PDE1C: variants seen among roughly 807,000 people sequenced by gnomAD.
The protein encoded by PDE1C is phosphodiesterase 1C.
A neutral mutation model predicts 93.1 loss-of-function variants in PDE1C; 62 were observed. The observed-to-expected ratio is 0.67, with a 90% CI of 0.54 to 0.82. The LOEUF (loss-of-function observed/expected upper bound fraction) is 0.82. Ranked by LOEUF, PDE1C falls within the 40% of genes least tolerant of loss-of-function variation. The pLI, the probability that PDE1C is intolerant of heterozygous loss-of-function variation, is 0.00. For synonymous variants in PDE1C, 325 were observed against 310.1 expected, an observed-to-expected ratio of 1.05 and a Z score of -0.50; for missense variants, 742 against 884.6, an observed-to-expected ratio of 0.84 and a Z score of 2.04.
the PDE1C span, among the ~76,000 whole-genome samples, chr7:31,664,621 T>C: frequency 6.6e-6 from 1 of 152,216 alleles, no homozygotes; most frequent in African/African-American, 2.4e-5. Flanking sequence ...GATTATCACA[T>C]CTGAGATGGC....
chr7:31,920,604 G>A (rs7789277), intron 2 of PDE1C, among the ~76,000 whole-genome samples: 127,772 of 152,150 alleles, frequency 0.84, 53,956 homozygotes, highest in Admixed American at 0.88. Flanking sequence ...ATAATATGAA[G>A]ATCTATGGAG....
chr7:32,214,265 C>G (rs935316971), intron 1 of PDE1C, among the ~76,000 whole-genome samples: 8 of 151,856 alleles, frequency 5.3e-5, no homozygotes, highest in Non-Finnish European at 1.0e-4. Flanking sequence ...AAGGGTAGTC[C>G]TGGATCACAG....
intron 2 of PDE1C, among the ~76,000 whole-genome samples, chr7:31,990,545 C>A (rs932605994): frequency 6.6e-6 from 1 of 151,632 alleles, no homozygotes; most frequent in Admixed American, 6.6e-5. Context: ...GATGGCTAAC[C>A]CACACTCTCA....
chr7:32,164,824 G>A (rs1188760789), intron 3 of PDE1C, among the ~76,000 whole-genome samples: 1 of 152,120 alleles, frequency 6.6e-6, no homozygotes, highest in African/African-American at 2.4e-5. Flanking sequence ...GTTCTCTTGG[G>A]TCCTCTAGTG....
chr7:32,364,001 C>T (rs1784185114), intron 1 of PDE1C, among the ~76,000 whole-genome samples: 2 of 152,112 alleles, frequency 1.3e-5, no homozygotes, highest in Admixed American at 6.5e-5. Context: ...TACAGAGAGG[C>T]TGAATAACTT....
At chr7:31,681,402 T>C in the PDE1C span, among the ~76,000 whole-genome samples, 7 of 151,546 alleles carry the variant, frequency 4.6e-5, no homozygotes, top group South Asian at 2.1e-4. Context: ...GATGGATGGA[T>C]GGATGGATGG....
chr7:31,661,450 C>T, the PDE1C span, among the ~76,000 whole-genome samples: 1 of 152,146 alleles, frequency 6.6e-6, no homozygotes, highest in Admixed American at 6.5e-5. Context: ...CAGTGGCTCA[C>T]ACCTGTAATC....
intron 1 of PDE1C, among the ~76,000 whole-genome samples, chr7:32,350,545 C>A (rs2128082805): frequency 8.0e-6 from 1 of 124,886 alleles, no homozygotes; most frequent in Admixed American, 7.9e-5. Context: ...TGGCATTTGA[C>A]TAATATATAT....
At chr7:32,144,153 C>A (rs1800689850) in intron 3 of PDE1C, among the ~76,000 whole-genome samples, 1 of 152,130 alleles carries the variant, frequency 6.6e-6, no homozygotes, top group Non-Finnish European at 1.5e-5. Flanking sequence ...GTGACTTAAG[C>A]AACAGAGAGA....
intron 11 of PDE1C, among the ~76,000 whole-genome samples, chr7:31,831,084 A>G (rs1454734534): frequency 6.6e-6 from 1 of 152,174 alleles, no homozygotes; most frequent in Admixed American, 6.6e-5. Flanking sequence ...TAATATCTCA[A>G]GTGAGTCTTT....
At chr7:32,236,874 A>G (rs1363284264) in intron 1 of PDE1C, among the ~76,000 whole-genome samples, 1 of 152,194 alleles carries the variant, frequency 6.6e-6, no homozygotes, top group African/African-American at 2.4e-5. Flanking sequence ...ATCACCAAAA[A>G]CTGGAAACAA....
intron 2 of PDE1C, among the ~76,000 whole-genome samples, chr7:31,886,689 G>T (rs1311221412): frequency 7.1e-6 from 1 of 141,782 alleles, no homozygotes; most frequent in South Asian, 2.3e-4. Context: ...GGCCACGTAG[G>T]GGTCAGCCAG....
chr7:32,244,609 C>T (rs1463749176), intron 1 of PDE1C, among the ~76,000 whole-genome samples: 3 of 152,126 alleles, frequency 2.0e-5, no homozygotes, highest in African/African-American at 7.2e-5. Context: ...ACCAGTGCCA[C>T]GAGATGGTCC....
At chr7:32,401,054 T>G (rs2128095463) in intron 1 of PDE1C, among the ~76,000 whole-genome samples, 1 of 152,378 alleles carries the variant, frequency 6.6e-6, no homozygotes, top group African/African-American at 2.4e-5. Context: ...TTAAAGGTCA[T>G]GGTCATAACC....
At chr7:32,076,796 A>G (rs1796383159) in intron 3 of PDE1C, among the ~76,000 whole-genome samples, 1 of 152,132 alleles carries the variant, frequency 6.6e-6, no homozygotes, top group South Asian at 2.1e-4. Context: ...ATGCCCATTG[A>G]CTTTTAGGTT....
chr7:32,332,788 T>C (rs1783540642), intron 1 of PDE1C, among the ~76,000 whole-genome samples: 1 of 152,204 alleles, frequency 6.6e-6, no homozygotes, highest in African/African-American at 2.4e-5. Context: ...AAATGCAAAA[T>C]ACAGTATTCT....
the PDE1C span, among the ~76,000 whole-genome samples, chr7:31,728,863 G>A: frequency 4.6e-5 from 7 of 152,208 alleles, no homozygotes; most frequent in Admixed American, 1.3e-4. Flanking sequence ...AGAAGAAAGA[G>A]AACATTTTAG....
chr7:31,958,305 G>T (rs1413061054), intron 2 of PDE1C, among the ~76,000 whole-genome samples: 1 of 152,166 alleles, frequency 6.6e-6, no homozygotes, highest in Admixed American at 6.5e-5. Flanking sequence ...ATTTAGACAT[G>T]TTTCTGCCTT....
chr7:31,986,666 A>C (rs1783432045), intron 2 of PDE1C, among the ~76,000 whole-genome samples: 1 of 152,110 alleles, frequency 6.6e-6, no homozygotes, highest in Admixed American at 6.5e-5. Flanking sequence ...ACCAGAAGCC[A>C]AGGAATATCA....
Sources: allele counts gnomAD v4.1 joint callset (sites outside exome capture counted in the v4.1 genomes callset), GRCh38; gene constraint gnomAD v4.1.1; transcripts MANE v1.5; gene names NCBI Gene and HGNC (gene_info 2026-07-23, HGNC 2026-07-21).